IMMP2L: variants seen among roughly 807,000 people sequenced by gnomAD.
The protein encoded by IMMP2L is inner mitochondrial membrane peptidase subunit 2.
IMMP2L carries 18 observed loss-of-function variants against 19.3 expected under a neutral mutation model. That is an observed-to-expected ratio of 0.93 (90% CI 0.64 to 1.38). IMMP2L has a LOEUF of 1.38. Ranked by LOEUF, IMMP2L falls within the 40% of genes most tolerant of loss-of-function variation. IMMP2L has a pLI of 0.00. For synonymous variants in IMMP2L, 76 were observed against 73.0 expected (o/e 1.04, Z -0.21); for missense variants, 233 against 218.2 (o/e 1.07, Z -0.43).
In IMMP2L at chr7:110,787,175, T is replaced by C. The variant is rs548127515; in HGVS notation, c.408+99418A>G. On this transcript the variant is annotated intron_variant, in intron 5 of 5. Transcript: ENST00000405709. ...TGTGAACTTAAAGAGTGTCTTTTAT[T>C]TGAGAATCTGAAAGTGCTTCCCAAC... 1.1e-4 allele frequency among the ~76,000 whole-genome samples: 17 copies of C among 152,168 alleles called. No individual in the cohort carries two copies. The East Asian group carries it at 1.9e-3, about 17-fold the overall frequency.
intron 5 of IMMP2L, among the ~76,000 whole-genome samples, chr7:110,765,603 G>A (rs191855523): frequency 1.2e-3 from 180 of 152,216 alleles, no homozygotes; most frequent in African/African-American, 4.1e-3. Flanking sequence ...AGTAGATGGA[G>A]TAATGGCTAG....
At chr7:111,281,088 G>GAGAGAGAA (rs1324133662) in intron 3 of IMMP2L, among the ~76,000 whole-genome samples, 58 of 35,750 alleles carry the variant, frequency 1.6e-3, no homozygotes, top group Admixed American at 3.7e-3. Context: ...AAGAAGGAAA[G>GAGAGAGAA]AGAGAGAAAG....
At chr7:111,444,956 A>C (rs1384704188) in intron 3 of IMMP2L, among the ~76,000 whole-genome samples, 1 of 152,116 alleles carries the variant, frequency 6.6e-6, no homozygotes, top group Non-Finnish European at 1.5e-5. Context: ...TTTTCTTGTA[A>C]CAGTTATATA....
rs975598117 is a variant in IMMP2L, at chr7:110,823,724, A to G, written c.408+62869T>C. On this transcript the variant is annotated intron_variant, in intron 5 of 5. Transcript: ENST00000405709. ...TAGCCCCAACATACTTTGAGAGCAA[A>G]ATTAAAGGTGAAAAGTGAATGCTAT... is the stretch of plus-strand genomic sequence containing the variant. 2.0e-5 allele frequency among the ~76,000 whole-genome samples: 3 copies of G among 152,086 alleles called. No homozygotes were observed. The South Asian group carries it at 6.2e-4, about 31-fold the overall frequency.
At chr7:110,697,343 A>T (rs1227497274) in intron 5 of IMMP2L, among the ~76,000 whole-genome samples, 1 of 152,218 alleles carries the variant, frequency 6.6e-6, no homozygotes, top group Non-Finnish European at 1.5e-5. Flanking sequence ...CAAATACAGG[A>T]GAACCTAAAA....
At chr7:111,501,012 A>T (rs2132436302) in intron 2 of IMMP2L, among the ~76,000 whole-genome samples, 1 of 152,302 alleles carries the variant, frequency 6.6e-6, no homozygotes, top group South Asian at 2.1e-4. Context: ...GCTTCAGACG[A>T]TCAAACTACT....
chr7:110,779,365 G>GT (rs1799591672), intron 5 of IMMP2L, among the ~76,000 whole-genome samples: 1 of 151,922 alleles, frequency 6.6e-6, no homozygotes, highest in Admixed American at 6.6e-5. Flanking sequence ...GAAAAATATA[G>GT]TAAGTTATCA....
In IMMP2L at chr7:111,521,399, T is replaced by C. The variant is rs1846314127; in HGVS notation, c.49A>G (p.Lys17Glu). 1 of 1,613,214 alleles carries C rather than the reference T, an allele frequency of 6.2e-7. No homozygotes were observed. Among genetic ancestry groups the C allele is most frequent in the African/African-American group, 1.3e-5 (1 of 74,998 alleles). Reference sequence around the variant, plus strand: ...ACAGGCACCGCCACAAAGAAGCCTTTACAAAAGGCCTTGATGTATCTTTTC... The same window carrying C: ...ACAGGCACCGCCACAAAGAAGCCTTCACAAAAGGCCTTGATGTATCTTTTC... ...WVKRYIKAFC[K>E]GFFVAVPVAV... is the part of the protein sequence containing the mutation. The change falls in exon 2 of 6, where the codon AAA (lysine) becomes GAA (glutamate). Residue 17 changes from lysine to glutamate, a missense_variant. Lys to Glu is a moderately conservative substitution (Grantham distance 56). Transcript: ENST00000405709.
intron 3 of IMMP2L, among the ~76,000 whole-genome samples, chr7:110,999,601 G>T (rs1412560361): frequency 7.1e-6 from 1 of 141,050 alleles, no homozygotes; most frequent in Admixed American, 7.1e-5. Context: ...AAATATTTTC[G>T]ATGAATAAAA....
intron 3 of IMMP2L, among the ~76,000 whole-genome samples, chr7:111,437,232 G>A (rs553443060): frequency 5.9e-5 from 9 of 151,848 alleles, no homozygotes; most frequent in Admixed American, 4.6e-4. Context: ...GATCACCTGA[G>A]GTCATGAGTT....
chr7:111,104,634 G>T (rs1442099727), intron 3 of IMMP2L, among the ~76,000 whole-genome samples: 1 of 151,574 alleles, frequency 6.6e-6, no homozygotes, highest in African/African-American at 2.4e-5. Context: ...TTTTTGATTC[G>T]GGGAGCAAAT....
intron 4 of IMMP2L, among the ~76,000 whole-genome samples, chr7:110,892,271 G>A (rs1012171369): frequency 2.6e-5 from 4 of 152,070 alleles, no homozygotes; most frequent in African/African-American, 9.7e-5. Flanking sequence ...CAACATACCT[G>A]AACAGACTGG....
At chr7:111,527,275 G>C (rs1478708046) in intron 1 of IMMP2L, among the ~76,000 whole-genome samples, 1 of 151,944 alleles carries the variant, frequency 6.6e-6, no homozygotes, top group Non-Finnish European at 1.5e-5. Flanking sequence ...AAATTAGCAA[G>C]GCATGGTAGC....
chr7:111,487,325 C>A lies in IMMP2L; in HGVS notation c.152G>T (p.Gly51Val). The change falls in exon 3 of 6, where the codon GGG becomes GTG. Residue 51 changes from glycine to valine, a missense_variant. Transcript: ENST00000405709. ...CACCACATCAGATGACTGGCTCCCC[C>A]CAGGATTCAAAGAAGGCTAGAAAAT... is the stretch of plus-strand genomic sequence containing the variant. Reference protein sequence around the residue: ...GASMQPSLNPGGSQSSDVVLL... With the variant: ...GASMQPSLNPVGSQSSDVVLL... 6.2e-7 allele frequency: 1 copy of A among 1,604,768 alleles called. No homozygotes were observed. The highest frequency in any genetic ancestry group is 8.5e-7 in the Non-Finnish European group (1 of 1,171,638).
chr7:111,195,914 G>T (rs914194761), intron 3 of IMMP2L, among the ~76,000 whole-genome samples: 3 of 151,104 alleles, frequency 2.0e-5, no homozygotes, highest in Non-Finnish European at 4.4e-5. Context: ...TCACCAAGGC[G>T]GGACTTCACC....
In IMMP2L at chr7:111,281,170, GAA is replaced by G. The variant is rs1491231956; in HGVS notation, c.239+206066_239+206067del. On this transcript the variant is annotated intron_variant, in intron 3 of 5. Coordinates refer to ENST00000405709, the MANE Select transcript of IMMP2L (RefSeq NM_032549.4). ...AGACAGAAAGACAGAAAGAAAGAAA[GAA>G]AGAAAGAAAGAAAGAAAGAAAGAAA... Among the ~76,000 whole-genome samples, 109 of 47,462 alleles carry G rather than the reference GAA, an allele frequency of 2.3e-3. 3 individuals are homozygous for G. The highest frequency in any genetic ancestry group is 8.0e-3 in the African/African-American group (92 of 11,518). 31.1% of individuals were successfully genotyped at this position (47,462 alleles called of 152,430 possible). A position where few individuals can be genotyped will look rare whatever the true frequency, so the allele number is the denominator to read the frequency against.
intron 5 of IMMP2L, among the ~76,000 whole-genome samples, chr7:110,673,531 A>C (rs1027774902): frequency 3.9e-5 from 6 of 152,196 alleles, no homozygotes; most frequent in Non-Finnish European, 7.3e-5. Flanking sequence ...TTTCTACTGC[A>C]TCATCAGGCT....
chr7:110,846,344 A>G (rs1805656785), intron 5 of IMMP2L, among the ~76,000 whole-genome samples: 1 of 120,956 alleles, frequency 8.3e-6, no homozygotes. Context: ...TCCAACCCTG[A>G]TTTCTTTTTT....
intron 3 of IMMP2L, among the ~76,000 whole-genome samples, chr7:111,172,930 G>A (rs138931432): frequency 7.3e-5 from 11 of 151,684 alleles, no homozygotes; most frequent in East Asian, 3.9e-4. Context: ...CCACTGTGCC[G>A]ATAATCTATG....
Sources: allele counts gnomAD v4.1 joint callset (sites outside exome capture counted in the v4.1 genomes callset), GRCh38; gene constraint gnomAD v4.1.1; transcripts MANE v1.5; gene names NCBI Gene and HGNC (gene_info 2026-07-23, HGNC 2026-07-21).